Variants in COL9A2 observed in about 807,000 individuals in gnomAD.
COL9A2 encodes collagen alpha-2(IX) chain.
COL9A2 carries 66 observed loss-of-function variants against 111.6 expected under a neutral mutation model. The ratio of observed to expected loss-of-function variants is 0.59; its 90% CI spans 0.48 to 0.73. The LOEUF is 0.73. Among genes scored for constraint, COL9A2 ranks in the 30% least tolerant of loss-of-function variants. COL9A2 has a pLI of 0.00. For missense variants in COL9A2, 881 were observed against 954.1 expected, an observed-to-expected ratio of 0.92 and a Z score of 1.01; for synonymous variants, 353 against 364.1, an observed-to-expected ratio of 0.97 and a Z score of 0.35.
Position 40,304,816 on chromosome 1 carries a change from G to A in COL9A2, c.1139C>T (p.Pro380Leu). 6.4e-7 allele frequency: 1 copy of A among 1,550,874 alleles called. No individual in the cohort carries two copies. Among genetic ancestry groups the A allele is most frequent in the Non-Finnish European group, 8.7e-7 (1 of 1,146,924 alleles). The change falls in exon 22 of 32, where the codon CCC becomes CTC. Residue 380 changes from proline (P) to leucine (L), a missense_variant. By Grantham distance (98) the Pro-to-Leu change is moderately conservative. Coordinates refer to ENST00000372748, the MANE Select transcript of COL9A2 (RefSeq NM_001852.4). ...GEPGPRGEIG[P>L]QGIMGQKGDQ... ...TACCTTCTGTCCCATGATGCCCTGG[G>A]GACCAATTTCTCCTCGAGGCCCTGG...
chr1:40,303,375 G>A lies in COL9A2; in HGVS notation c.1548+155C>T, dbSNP rs142298117. Among the ~76,000 whole-genome samples, 824 of 152,258 alleles carry A rather than the reference G, an allele frequency of 5.4e-3. 3 individuals are homozygous for A. The highest frequency in any genetic ancestry group is 0.019 in the African/African-American group (770 of 41,534). On this transcript the variant is annotated intron_variant, in intron 28 of 31. Coordinates refer to ENST00000372748, the MANE Select transcript of COL9A2 (RefSeq NM_001852.4). The surrounding 1 kb of genome is among the most constrained non-coding windows in gnomAD (Gnocchi z 4.6). The stretch of plus-strand genomic sequence containing the variant: ...GGGAAGGTCGCGGGGTAATCCCTCA[G>A]GCTGCACTCACAGCCTTCCTGTCTG...
chr1:40,310,371 A>G lies in COL9A2; in HGVS notation c.685-54T>C. ...GCAATTGCAAGGCCCACTTCATGAT[A>G]CCTTGTCTGATGCCCACCTTCAATC... is the stretch of plus-strand genomic sequence containing the variant. On this transcript the variant is annotated intron_variant, in intron 13 of 31. Coordinates refer to ENST00000372748, the MANE Select transcript of COL9A2 (RefSeq NM_001852.4). This position sits in a 1 kb window ranked among gnomAD's most constrained non-coding sequence, Gnocchi z 4.9. The G allele has an allele frequency of 1.3e-6, 2 of 1,558,434 alleles. No homozygotes were observed. Among genetic ancestry groups the G allele is most frequent in the East Asian group, 4.5e-5 (2 of 44,622 alleles).
At position 40,315,675 on chromosome 1, in the gene COL9A2, C is replaced by T; in HGVS notation, c.76-11G>A. 6.5e-7 allele frequency: 1 copy of T among 1,550,294 alleles called. No individual in the cohort carries two copies. The highest frequency in any genetic ancestry group is 1.2e-5 in the South Asian group (1 of 84,200). ...TCCCGGTGGACCTCTCTGAAAAACA[C>T]ACACGGGGTGGGGCAGTCCTCAGAC... On this transcript the variant is annotated splice_polypyrimidine_tract_variant and intron_variant, in intron 1 of 31. Coordinates refer to ENST00000372748, the MANE Select transcript of COL9A2 (RefSeq NM_001852.4).
At chr1:40,306,001 A>T in intron 20 of COL9A2, 142 bp downstream of exon 20, 1 of 924,446 alleles carries the variant, frequency 1.1e-6, no homozygotes. Context: ...GATGGGTGGG[A>T]GGTGGCAGGA....
chr1:40,313,255 G>C (rs146709054), intron 4 of COL9A2, among the ~76,000 whole-genome samples: 1 of 151,236 alleles, frequency 6.6e-6, no homozygotes, highest in African/African-American at 2.4e-5. Flanking sequence ...TGCAACCCCC[G>C]CTTCCTGGGT....
chr1:40,312,659 A>G lies in COL9A2; in HGVS notation c.304-50T>C, dbSNP rs1298701764. The stretch of plus-strand genomic sequence containing the variant: ...AGAGGCTGGGGTTTCCCCGGCTCCT[A>G]CTTCCTCTCTACAGCCACTCCCAAA... On this transcript the variant is annotated intron_variant, in intron 5 of 31. Transcript: ENST00000372748. The surrounding 1 kb of genome is among the most constrained non-coding windows in gnomAD (Gnocchi z 6.0). The G allele has an allele frequency of 6.2e-7, 1 of 1,604,984 alleles. No individual in the cohort carries two copies. The highest frequency in any genetic ancestry group is 1.7e-5 in the Admixed American group (1 of 58,796).
rs950354501 is a variant in COL9A2, at chr1:40,310,058, C to T, written c.792+53G>A. On this transcript the variant is annotated intron_variant, in intron 15 of 31. Coordinates refer to ENST00000372748, the MANE Select transcript of COL9A2 (RefSeq NM_001852.4). This position sits in a 1 kb window ranked among gnomAD's most constrained non-coding sequence, Gnocchi z 4.9. The stretch of plus-strand genomic sequence containing the variant: ...AGGGGGAGCCATGCCCACTCTGTGG[C>T]TGTAGCTGTAGGAGCTCCAGCCTCA... 64 of 1,613,730 alleles carry T rather than the reference C, an allele frequency of 4.0e-5. No individual in the cohort carries two copies. Among genetic ancestry groups the T allele is most frequent in the Non-Finnish European group, 5.0e-5 (59 of 1,179,734 alleles).
chr1:40,312,843 G>A lies in COL9A2; in HGVS notation c.250-59C>T, dbSNP rs371695248. 6.7e-7 allele frequency: 1 copy of A among 1,485,386 alleles called. No homozygotes were observed. The highest frequency in any genetic ancestry group is 9.2e-7 in the Non-Finnish European group (1 of 1,088,956). The allele number at this position is 1,485,386 out of a possible 1,614,324, so 92.0% of individuals were successfully genotyped here. On this transcript the variant is annotated intron_variant, in intron 4 of 31. Coordinates refer to ENST00000372748, the MANE Select transcript of COL9A2 (RefSeq NM_001852.4). This position sits in a 1 kb window ranked among gnomAD's most constrained non-coding sequence, Gnocchi z 6.0. ...GCCAACCTGCTCCCTGACCCACAGA[G>A]CAGGGCAGGTTCAAGGGTCCCTCCT... is the stretch of plus-strand genomic sequence containing the variant.
At chr1:40,309,865 C>A in intron 16 of COL9A2, 73 bp downstream of exon 16, 1 of 1,476,566 alleles carries the variant, frequency 6.8e-7, no homozygotes, top group Non-Finnish European at 9.5e-7. Context: ...ACACACACAG[C>A]CTTAGGGGGT....
Position 40,303,159 on chromosome 1 carries a change from G to C in COL9A2, c.1575C>G (p.Ile525Met), listed in dbSNP as rs1174194585. The C allele has an allele frequency of 1.9e-6, 3 of 1,612,786 alleles. No homozygotes were observed. Among genetic ancestry groups the C allele is most frequent in the Non-Finnish European group, 2.5e-6 (3 of 1,179,540 alleles). ...GCAGCATCTTCAGCGCCACATCCAC[G>C]ATGTGCTGGTCAGTGGCATCCCGGC... ...VEGRDATDQHIVDVALKMLQE... is the reference protein window; with the variant it reads ...VEGRDATDQHMVDVALKMLQE... Residue 525 changes from isoleucine to methionine, a missense_variant, in exon 29 of 32, where the codon ATC (isoleucine) becomes ATG (methionine). By Grantham distance (10) the Ile-to-Met change is conservative. Coordinates refer to ENST00000372748, the MANE Select transcript of COL9A2 (RefSeq NM_001852.4). The surrounding 1 kb of genome is among the most constrained non-coding windows in gnomAD (Gnocchi z 4.6).
rs1644101814 is a variant in COL9A2 at position 40,310,311 on chromosome 1, G to A, written c.691C>T (p.Gln231Ter). ...ATGCCTGGGTAGCCCCTGATGCCCTGGGGACCCTGTTGAGAAAGAAAAATG... is the reference window on the plus strand; with the variant it reads ...ATGCCTGGGTAGCCCCTGATGCCCTAGGGACCCTGTTGAGAAAGAAAAATG... ...EQGIPGPPGP[Q>*]GIRGYPGMAG... The change falls in exon 14 of 32, where the codon CAG becomes TAG. Residue 231 changes from glutamine to a stop codon, truncating the protein, a stop_gained. Transcript: ENST00000372748. LOFTEE classifies it high-confidence loss of function. This position sits in a 1 kb window ranked among gnomAD's most constrained non-coding sequence, Gnocchi z 4.9. The A allele has an allele frequency of 6.2e-7, 1 of 1,613,896 alleles. No homozygotes were observed. The highest frequency in any genetic ancestry group is 1.3e-5 in the African/African-American group (1 of 74,902).
Position 40,303,631 on chromosome 1 carries a change from C to T in COL9A2, c.1447G>A (p.Ala483Thr), listed in dbSNP as rs775260476. ...EPGYPGPSGD[A>T]GAPGVQGYPG... is the part of the protein sequence containing the mutation. ...TAGCCCTGAACCCCTGGGGCGCCCG[C>T]ATCCCCGCTGGGGCCAGGGTAGCCG... The change falls in exon 28 of 32, where the codon GCG becomes ACG. Residue 483 changes from alanine to threonine, a missense_variant. Physicochemically the swap from Ala to Thr is moderately conservative, Grantham distance 58. Coordinates refer to ENST00000372748, the MANE Select transcript of COL9A2 (RefSeq NM_001852.4). The surrounding 1 kb of genome is among the most constrained non-coding windows in gnomAD (Gnocchi z 4.6). The T allele has an allele frequency of 6.3e-6, 10 of 1,593,624 alleles. No individual in the cohort carries two copies. In the South Asian group the frequency reaches 1.1e-4, roughly 18 times the overall value.
chr1:40,315,778 C>A, intron 1 of COL9A2, 114 bp from the exon 2 acceptor site: 1 of 660,008 alleles, frequency 1.5e-6, no homozygotes. Flanking sequence ...CTTCCGCGAA[C>A]TCCCACGTAT....
chr1:40,312,480 C>T lies in COL9A2; in HGVS notation c.340-1G>A. On this transcript the variant is annotated splice_acceptor_variant, in intron 6 of 31. Coordinates refer to ENST00000372748, the MANE Select transcript of COL9A2 (RefSeq NM_001852.4). LOFTEE classifies it high-confidence loss of function. This position sits in a 1 kb window ranked among gnomAD's most constrained non-coding sequence, Gnocchi z 6.0. ...CAGGAGGTCCAGCAAAACCAGGGCC[C>T]TGGAACAGAAAGAAAGAAAATTGGC... 6.2e-7 allele frequency: 1 copy of T among 1,613,876 alleles called. No homozygotes were observed. Among genetic ancestry groups the T allele is most frequent in the Non-Finnish European group, 8.5e-7 (1 of 1,179,900 alleles).
chr1:40,315,459 G>C (rs1309749548), intron 2 of COL9A2, 131 bp downstream of exon 2: 18 of 1,459,808 alleles, frequency 1.2e-5, no homozygotes, highest in Non-Finnish European at 1.6e-5. Flanking sequence ...GTGCGGGCCG[G>C]CGCCGCCTAT....
chr1:40,301,030 T>A lies in COL9A2; in HGVS notation c.*152A>T, dbSNP rs1643906606. 3.0e-5 allele frequency: 23 copies of A among 776,960 alleles called. No individual in the cohort carries two copies. The East Asian group carries it at 6.3e-4, about 21-fold the overall frequency. 48.1% of individuals were successfully genotyped at this position (776,960 alleles called of 1,614,324 possible). A position where few individuals can be genotyped will look rare whatever the true frequency, so the allele number is the denominator to read the frequency against. On this transcript the variant is annotated 3_prime_UTR_variant, in exon 32 of 32. Transcript: ENST00000372748. The stretch of plus-strand genomic sequence containing the variant: ...GTGCTCTACCTCCCCTTCCCCCATG[T>A]TTTAGAATTCCTTTTCCTTAGGACT...
At position 40,303,201 on chromosome 1, in the gene COL9A2, T is replaced by G. The variant is rs1203552136; in HGVS notation, c.1549-16A>C. 6.2e-7 allele frequency: 1 copy of G among 1,607,508 alleles called. No homozygotes were observed. The highest frequency in any genetic ancestry group is 1.7e-5 in the Admixed American group (1 of 59,456). On this transcript the variant is annotated splice_polypyrimidine_tract_variant and intron_variant, in intron 28 of 31. Transcript: ENST00000372748. The surrounding 1 kb of genome is among the most constrained non-coding windows in gnomAD (Gnocchi z 4.6). The stretch of plus-strand genomic sequence containing the variant: ...CATCCCGGCCCTGAAAGCAGAGGCC[T>G]TTCAGGAAGAAGCCCCTGGCTACAA...
chr1:40,311,555 G>C lies in COL9A2; in HGVS notation c.472-8C>G. On this transcript the variant is annotated splice_polypyrimidine_tract_variant and splice_region_variant and intron_variant, in intron 9 of 31. Transcript: ENST00000372748. This position sits in a 1 kb window ranked among gnomAD's most constrained non-coding sequence, Gnocchi z 5.1. ...GATGGTTCCCGGGCGACCCTGAGAG[G>C]AGACATGAAGATGGAGCTTGGCCTG... is the stretch of plus-strand genomic sequence containing the variant. The C allele has an allele frequency of 1.9e-6, 3 of 1,613,914 alleles. No homozygotes were observed. Among genetic ancestry groups the C allele is most frequent in the Admixed American group, 1.7e-5 (1 of 60,010 alleles).
In COL9A2 at chr1:40,311,093, C is replaced by T. The variant is rs1165014151; in HGVS notation, c.630G>A (p.Pro210=). 8.1e-6 allele frequency: 13 copies of T among 1,613,962 alleles called. No individual in the cohort carries two copies. Among genetic ancestry groups the T allele is most frequent in the South Asian group, 3.3e-5 (3 of 91,088 alleles). Residue 210 remains proline (P), a splice_region_variant and synonymous_variant, in exon 12 of 32, where the codon CCG becomes CCA. Coordinates refer to ENST00000372748, the MANE Select transcript of COL9A2 (RefSeq NM_001852.4). The surrounding 1 kb of genome is among the most constrained non-coding windows in gnomAD (Gnocchi z 5.1). ...ILGDPGHQGK[P]GPKGDVGASG... ...CACAGCCCTCAGCCCTTGCACTCAC[C>T]GGCTTCCCCTGGTGGCCAGGATCAC...
Sources: gnomAD v4.1 joint callset for allele counts (sites outside exome capture counted in the v4.1 genomes callset) on GRCh38, gnomAD v4.1.1 for gene constraint, Gnocchi (gnomAD v3.1) non-coding constraint, MANE v1.5 for transcripts, NCBI Gene and HGNC (gene_info 2026-07-23, HGNC 2026-07-21) for gene names.